The following HECTD4 variants were observed in gnomAD, a reference collection of about 807,000 sequenced individuals.
HECTD4 encodes the protein HECT domain E3 ubiquitin protein ligase 4, also known as probable E3 ubiquitin-protein ligase HECTD4.
In HECTD4, 114 loss-of-function variants were observed where a neutral mutation model predicts 471.5. The ratio of observed to expected loss-of-function variants is 0.24; its 90% CI spans 0.21 to 0.28. HECTD4 has a LOEUF of 0.28. Ranked by LOEUF, HECTD4 falls within the 10% of genes least tolerant of loss-of-function variation. The probability of loss-of-function intolerance (pLI) is 1.00; values close to 1 mark genes in which losing one functional copy is unlikely to be tolerated. For synonymous variants in HECTD4, 2,012 were observed against 2,256.0 expected, an observed-to-expected ratio of 0.89 and a Z score of 3.07; for missense variants, 3,866 against 5,651.5, an observed-to-expected ratio of 0.68 and a Z score of 10.13.
intron 62 of HECTD4, 88 bp downstream of exon 62, chr12:112,182,971 G>T: frequency 1.1e-6 from 1 of 885,290 alleles, no homozygotes; most frequent in Non-Finnish European, 1.8e-6. Context: ...TACTGGGGAG[G>T]GGAGGAGATT....
rs777868976 is a variant in HECTD4, at chr12:112,207,989, G to A, written c.8016C>T (p.Tyr2672=). The change falls in exon 52 of 76, where the codon TAC becomes TAT. Residue 2672 remains tyrosine, a synonymous_variant. Transcript: ENST00000682272. ...TCTCCCATGCTTTCACCAGCAGGGC[G>A]TAGTGGTCCTCCTGGAAGCAGAAGG... ...DDDDIPQEDH[Y]ALLVKAWETK... 22 of 1,613,246 alleles carry A rather than the reference G, an allele frequency of 1.4e-5. No individual in the cohort carries two copies. Among genetic ancestry groups the A allele is most frequent in the South Asian group, 6.6e-5 (6 of 90,886 alleles).
intron 72 of HECTD4, among the ~76,000 whole-genome samples, chr12:112,164,873 C>T (rs1437022850): frequency 1.3e-5 from 2 of 151,276 alleles, no homozygotes; most frequent in Non-Finnish European, 2.9e-5. Context: ...CTACCTGCCT[C>T]AGCCTTCCAA....
At chr12:112,366,859 A>G (rs1051948216) in intron 1 of HECTD4, among the ~76,000 whole-genome samples, 4 of 149,998 alleles carry the variant, frequency 2.7e-5, no homozygotes, top group Non-Finnish European at 5.9e-5. Flanking sequence ...CAGCCTGGGC[A>G]ACAAGAGTGA....
Position 112,244,019 on chromosome 12 carries a change from A to G in HECTD4, c.4514-10T>C. On this transcript the variant is annotated splice_polypyrimidine_tract_variant and intron_variant, in intron 29 of 75. Coordinates refer to ENST00000682272, the MANE Select transcript of HECTD4 (RefSeq NM_001388303.1). ...GAAGCTGATTTACAAGCTAGAAAAA[A>G]AAGGAATAAAAAGGCTGACATTTCT... 1 of 1,613,046 alleles carries G rather than the reference A, an allele frequency of 6.2e-7. No homozygotes were observed. The highest frequency in any genetic ancestry group is 1.1e-5 in the South Asian group (1 of 91,024).
intron 7 of HECTD4, among the ~76,000 whole-genome samples, chr12:112,285,704 A>G (rs760896391): frequency 2.6e-5 from 4 of 152,042 alleles, no homozygotes; most frequent in Non-Finnish European, 5.9e-5. Context: ...CCGCTTCTCT[A>G]TGGCAACTCC....
intron 8 of HECTD4, 29 bp downstream of exon 8, chr12:112,283,081 A>T (rs772615466): frequency 6.3e-7 from 1 of 1,581,730 alleles, no homozygotes; most frequent in South Asian, 1.1e-5. Flanking sequence ...ATACAAGGAA[A>T]CAGATCTGGG....
Position 112,184,478 on chromosome 12 carries a change from G to A in HECTD4, c.10488C>T (p.Ser3496=), listed in dbSNP as rs763605016. ...TGACGGTTTGGGAGATGCCCTGCGA[G>A]CTGCAGATGGAGGCCTGGCTGGTGG... is the stretch of plus-strand genomic sequence containing the variant. ...SASTSQASIC[S]SQGISQTVSD... is the part of the protein sequence containing the mutation. Residue 3496 remains serine (S), a synonymous_variant, in exon 61 of 76, where the codon AGC becomes AGT. Coordinates refer to ENST00000682272, the MANE Select transcript of HECTD4 (RefSeq NM_001388303.1). This position sits in a 1 kb window ranked among gnomAD's most constrained non-coding sequence, Gnocchi z 9.1. 6.2e-7 allele frequency: 1 copy of A among 1,606,988 alleles called. No homozygotes were observed. Among genetic ancestry groups the A allele is most frequent in the African/African-American group, 1.3e-5 (1 of 74,884 alleles).
chr12:112,366,825 A>G (rs1164693077), intron 1 of HECTD4, among the ~76,000 whole-genome samples: 2 of 150,184 alleles, frequency 1.3e-5, no homozygotes. Context: ...GGTTGCAGTG[A>G]GCTGAGATCG....
Position 112,193,775 on chromosome 12 carries a change from A to T in HECTD4, c.8750-101T>A, listed in dbSNP as rs981688093. Reference sequence around the variant, plus strand: ...TGAATAACCCATCCAGAAACCCCAGATGGGAGGGTTATCCTGGATATGATG... The same window carrying T: ...TGAATAACCCATCCAGAAACCCCAGTTGGGAGGGTTATCCTGGATATGATG... On this transcript the variant is annotated intron_variant, in intron 56 of 75. Coordinates refer to ENST00000682272, the MANE Select transcript of HECTD4 (RefSeq NM_001388303.1). This position sits in a 1 kb window ranked among gnomAD's most constrained non-coding sequence, Gnocchi z 5.2. The T allele has an allele frequency of 1.0e-6, 1 of 999,466 alleles. No individual in the cohort carries two copies. The highest frequency in any genetic ancestry group is 1.5e-6 in the Non-Finnish European group (1 of 656,176). 61.9% of individuals were successfully genotyped at this position (999,466 alleles called of 1,614,324 possible).
chr12:112,318,190 G>C (rs1052620994), intron 2 of HECTD4, among the ~76,000 whole-genome samples: 2 of 151,790 alleles, frequency 1.3e-5, no homozygotes, highest in Non-Finnish European at 2.9e-5. Flanking sequence ...ACTTGAATCC[G>C]GGAGGTGGAA....
rs772298550 is a variant in HECTD4 at position 112,167,567 on chromosome 12, C to G, written c.12313-29G>C. The G allele has an allele frequency of 2.6e-6, 4 of 1,524,058 alleles. No individual in the cohort carries two copies. In the Admixed American group the frequency reaches 5.8e-5, roughly 22 times the overall value. 94.4% of individuals were successfully genotyped at this position (1,524,058 alleles called of 1,614,324 possible). ...GAAGTGGAGGTGGGCATGAGGTGAC[C>G]TGGGCGTGGGCCTCTGTGCCCGCCA... On this transcript the variant is annotated intron_variant, in intron 71 of 75. Transcript: ENST00000682272.
chr12:112,372,112 T>G (rs1343706006), intron 1 of HECTD4, among the ~76,000 whole-genome samples: 3 of 151,484 alleles, frequency 2.0e-5, no homozygotes, highest in Admixed American at 6.6e-5. Context: ...ATCTTTTTTT[T>G]TTTTTTTTTA....
intron 52 of HECTD4, among the ~76,000 whole-genome samples, chr12:112,207,612 C>T (rs2032630704): frequency 6.6e-6 from 1 of 151,890 alleles, no homozygotes; most frequent in Non-Finnish European, 1.5e-5. Context: ...CTGTTAACCA[C>T]CAGACCACAG....
intron 45 of HECTD4, among the ~76,000 whole-genome samples, chr12:112,218,708 T>C (rs904531243): frequency 6.6e-6 from 1 of 152,212 alleles, no homozygotes; most frequent in Non-Finnish European, 1.5e-5. Flanking sequence ...GCTAAGAACA[T>C]TAATAGATGT....
At chr12:112,241,177 CA>C (rs2033635392) in intron 32 of HECTD4, among the ~76,000 whole-genome samples, 1 of 151,908 alleles carries the variant, frequency 6.6e-6, no homozygotes, top group South Asian at 2.1e-4. Flanking sequence ...GCATTTTCTA[CA>C]TTTTTTTTTC....
intron 22 of HECTD4, 103 bp downstream of exon 22, chr12:112,253,940 C>T (rs2033951479): frequency 1.5e-6 from 2 of 1,303,060 alleles, no homozygotes; most frequent in Non-Finnish European, 2.1e-6. Context: ...CAACAAAAGC[C>T]CCCAGGGCAA....
At chr12:112,175,047 C>T (rs1376846039) in intron 66 of HECTD4, among the ~76,000 whole-genome samples, 2 of 152,212 alleles carry the variant, frequency 1.3e-5, no homozygotes, top group African/African-American at 2.4e-5. Context: ...TGTGGCCTAG[C>T]TGTGCCCCTG....
intron 68 of HECTD4, 171 bp downstream of exon 68, chr12:112,170,946 C>T (rs931589245): frequency 5.4e-6 from 3 of 552,028 alleles, no homozygotes; most frequent in Non-Finnish European, 9.5e-6. Context: ...AGTAACTTCC[C>T]TTGGGTGGGC....
At chr12:112,174,862 T>C (rs2031376161) in intron 66 of HECTD4, among the ~76,000 whole-genome samples, 1 of 152,170 alleles carries the variant, frequency 6.6e-6, no homozygotes, top group Non-Finnish European at 1.5e-5. Context: ...GCCATTTTCA[T>C]TGATTGATGC....
Sources: allele counts gnomAD v4.1 joint callset (sites outside exome capture counted in the v4.1 genomes callset), GRCh38; gene constraint gnomAD v4.1.1; non-coding constraint Gnocchi (gnomAD v3.1); transcripts MANE v1.5; gene names NCBI Gene and HGNC (gene_info 2026-07-23, HGNC 2026-07-21).